The following PDZK1 variants were observed in gnomAD, a reference collection of about 807,000 sequenced individuals.
PDZK1 encodes PDZ domain containing 1.
PDZK1 carries 23 observed loss-of-function variants against 38.1 expected under a neutral mutation model. The observed-to-expected ratio is 0.60, with a 90% CI of 0.43 to 0.85. PDZK1 has a LOEUF of 0.85. Among genes scored for constraint, PDZK1 ranks in the 40% least tolerant of loss-of-function variants. The pLI is 0.00. For missense variants in PDZK1, 297 were observed against 504.3 expected (o/e 0.59, Z 3.94); for synonymous variants, 98 against 186.2 (o/e 0.53, Z 3.86).
intron 6 of PDZK1, chr1:145,674,126 T>C (rs1653390542): frequency 1.1e-6 from 1 of 951,526 alleles, no homozygotes; most frequent in African/African-American, 1.8e-5. Flanking sequence ...AAAAGCAGTA[T>C]AGGATGCGGT....
chr1:145,676,786 T>A (rs1331859385), intron 6 of PDZK1, among the ~76,000 whole-genome samples: 1 of 151,838 alleles, frequency 6.6e-6, no homozygotes, highest in Non-Finnish European at 1.5e-5. Flanking sequence ...TTCTTGAAGA[T>A]GCTCTCTTCT....
intron 1 of PDZK1, among the ~76,000 whole-genome samples, chr1:145,699,918 G>A (rs144603596): frequency 1.6e-3 from 245 of 152,274 alleles, no homozygotes; most frequent in Non-Finnish European, 5.9e-4. Context: ...TGTGGATGCC[G>A]TGAAGATGGC....
At chr1:145,706,925 C>G (rs1421359685) in intron 1 of PDZK1, among the ~76,000 whole-genome samples, 4 of 151,988 alleles carry the variant, frequency 2.6e-5, no homozygotes, top group African/African-American at 9.7e-5. Context: ...AGAGTCTTCT[C>G]TGCTACCCAA....
At chr1:145,701,174 C>T (rs1655939024) in intron 1 of PDZK1, among the ~76,000 whole-genome samples, 1 of 151,448 alleles carries the variant, frequency 6.6e-6, no homozygotes, top group Admixed American at 6.6e-5. Flanking sequence ...CACTGCACTC[C>T]AACCTGGGCA....
chr1:145,686,694 T>G lies in PDZK1; in HGVS notation c.243A>C (p.Ser81=), dbSNP rs1267112611. The part of the protein sequence containing the change: ...VVDLVRKSGN[S]VTLLVLDGDS... ...CCCCATCCAGAACTAGTAAAGTCACTGAATTCCCACTCTTTCTGACCAGAT... is the reference window on the plus strand; with the variant it reads ...CCCCATCCAGAACTAGTAAAGTCACGGAATTCCCACTCTTTCTGACCAGAT... Residue 81 remains serine (S), a synonymous_variant, in exon 3 of 9, where the codon TCA becomes TCC. Transcript: ENST00000417171. 1.3e-6 allele frequency: 2 copies of G among 1,555,502 alleles called. No individual in the cohort carries two copies. Among genetic ancestry groups the G allele is most frequent in the Non-Finnish European group, 1.8e-6 (2 of 1,132,874 alleles).
At chr1:145,686,025 A>T (rs182055209) in intron 3 of PDZK1, among the ~76,000 whole-genome samples, 50 of 152,330 alleles carry the variant, frequency 3.3e-4, no homozygotes, top group Admixed American at 2.9e-3. Flanking sequence ...GAATTTGTTG[A>T]ATAAATGAAT....
chr1:145,696,154 C>T (rs1345898573), intron 1 of PDZK1, among the ~76,000 whole-genome samples: 1 of 152,214 alleles, frequency 6.6e-6, no homozygotes, highest in Non-Finnish European at 1.5e-5. Flanking sequence ...GGCCACAGCT[C>T]AATTCGAACA....
chr1:145,689,756 T>A (rs1553702766), intron 1 of PDZK1, among the ~76,000 whole-genome samples: 1 of 152,088 alleles, frequency 6.6e-6, no homozygotes, highest in South Asian at 2.1e-4. Flanking sequence ...CAAGAACGGA[T>A]GACCACACAG....
At chr1:145,697,593 A>G (rs587642059) in intron 1 of PDZK1, among the ~76,000 whole-genome samples, 55 of 151,898 alleles carry the variant, frequency 3.6e-4, no homozygotes, top group Non-Finnish European at 6.9e-4. Context: ...TAACAGAAGC[A>G]ACGAATATTG....
intron 3 of PDZK1, among the ~76,000 whole-genome samples, chr1:145,685,948 G>A (rs1346052065): frequency 6.6e-6 from 1 of 152,178 alleles, no homozygotes; most frequent in African/African-American, 2.4e-5. Context: ...AATGTTACAG[G>A]AGGGTGGAAA....
At position 145,705,550 on chromosome 1, in the gene PDZK1, A is replaced by T. The variant is rs587593986; in HGVS notation, c.-3+1767T>A. ...TTCAAGGCTCCAGGATCTACCTTAT[A>T]CTTGGCCAACTGAAAAAGACATTAA... On this transcript the variant is annotated intron_variant, in intron 1 of 8. Transcript: ENST00000417171. Among the ~76,000 whole-genome samples the T allele has an allele frequency of 2.0e-5, 3 of 152,276 alleles. No homozygotes were observed. The South Asian group carries it at 6.2e-4, about 32-fold the overall frequency.
At chr1:145,693,262 G>A (rs1553703618) in intron 1 of PDZK1, among the ~76,000 whole-genome samples, 2 of 152,136 alleles carry the variant, frequency 1.3e-5, no homozygotes, top group Non-Finnish European at 2.9e-5. Flanking sequence ...ACCGTGTCAG[G>A]TGATGCTAGC....
Position 145,696,731 on chromosome 1 carries a change from G to C in PDZK1, c.-2-8708C>G, listed in dbSNP as rs1386539920. 2.6e-5 allele frequency among the ~76,000 whole-genome samples: 4 copies of C among 152,178 alleles called. 1 individual carries two copies. In the East Asian group the frequency reaches 7.7e-4, roughly 29 times the overall value. The stretch of plus-strand genomic sequence containing the variant: ...CTTCTGAGGAATGCTGCCCACCCAG[G>C]CTGTGTGTTTGAAAGGGAATGTGTC... On this transcript the variant is annotated intron_variant, in intron 1 of 8. Coordinates refer to ENST00000417171, the MANE Select transcript of PDZK1 (RefSeq NM_001201325.2).
intron 1 of PDZK1, chr1:145,691,930 T>G (rs1655259705): frequency 6.6e-6 from 1 of 152,198 alleles, no homozygotes; most frequent in South Asian, 2.1e-4. Context: ...AAGTGTTGGC[T>G]GGCAGACAGG....
At chr1:145,687,397 T>C (rs1346683929) in intron 2 of PDZK1, among the ~76,000 whole-genome samples, 1 of 148,014 alleles carries the variant, frequency 6.8e-6, no homozygotes, top group Non-Finnish European at 1.5e-5. Context: ...TGGTGGCGGG[T>C]GCCTATAGTC....
rs368529235 is a variant in PDZK1, at chr1:145,672,705, C to T, written c.1506+25G>A. ...ACCCATACTCTAGTAAATTAGATCACGAAAAGAAATAGGCCCCCACTCACC... is the reference window on the plus strand; with the variant it reads ...ACCCATACTCTAGTAAATTAGATCATGAAAAGAAATAGGCCCCCACTCACC... On this transcript the variant is annotated intron_variant, in intron 8 of 8. Transcript: ENST00000417171. 65 of 1,611,180 alleles carry T rather than the reference C, an allele frequency of 4.0e-5. 1 individual carries two copies. Among genetic ancestry groups the T allele is most frequent in the Middle Eastern group, 2.3e-4 (1 of 4,426 alleles).
At chr1:145,692,029 T>A (rs1655265893) in intron 1 of PDZK1, among the ~76,000 whole-genome samples, 1 of 152,114 alleles carries the variant, frequency 6.6e-6, no homozygotes, top group African/African-American at 2.4e-5. Context: ...TTTTGCTTTT[T>A]TCCAAAATGA....
chr1:145,701,696 G>A (rs1553705010), intron 1 of PDZK1, among the ~76,000 whole-genome samples: 14 of 152,138 alleles, frequency 9.2e-5, no homozygotes, highest in Non-Finnish European at 1.5e-5. Flanking sequence ...GCCTCCTTCA[G>A]AGCCTGCCAC....
chr1:145,695,556 A>T (rs1038951508), intron 1 of PDZK1, among the ~76,000 whole-genome samples: 2 of 152,172 alleles, frequency 1.3e-5, no homozygotes, highest in Non-Finnish European at 2.9e-5. Context: ...AAGGGAAATC[A>T]TGGGTGACAA....
Sources: gnomAD v4.1 joint callset for allele counts (sites outside exome capture counted in the v4.1 genomes callset) on GRCh38, gnomAD v4.1.1 for gene constraint, MANE v1.5 for transcripts, NCBI Gene and HGNC (gene_info 2026-07-23, HGNC 2026-07-21) for gene names.